BNC2: variants seen among roughly 807,000 people sequenced by gnomAD.
BNC2 encodes the protein basonuclin zinc finger protein 2.
In BNC2, 20 loss-of-function variants were observed where a neutral mutation model predicts 76.3. The observed-to-expected ratio is 0.26, with a 90% CI of 0.18 to 0.38. The LOEUF (loss-of-function observed/expected upper bound fraction) is 0.38, where lower values mean the gene tolerates loss of function less well. BNC2 is among the 10% of genes least tolerant of loss of function. The pLI is 1.00. For synonymous variants in BNC2, 582 were observed against 514.8 expected (o/e 1.13, Z -1.77); for missense variants, 1,382 against 1,399.8 (o/e 0.99, Z 0.20).
At chr9:16,689,422 A>G (rs1211676699) in intron 3 of BNC2, among the ~76,000 whole-genome samples, 2 of 152,066 alleles carry the variant, frequency 1.3e-5, no homozygotes, top group African/African-American at 4.8e-5. Flanking sequence ...TGAAATTTCC[A>G]TTTTACTTTT....
intron 5 of BNC2, among the ~76,000 whole-genome samples, chr9:16,454,927 G>A (rs1671874955): frequency 1.3e-5 from 2 of 152,114 alleles, no homozygotes; most frequent in African/African-American, 4.8e-5. Flanking sequence ...TTACAGAATT[G>A]TTTATAGTTT....
intron 3 of BNC2, among the ~76,000 whole-genome samples, chr9:16,695,701 G>A (rs559416996): frequency 6.6e-6 from 1 of 151,922 alleles, no homozygotes; most frequent in Admixed American, 6.6e-5. Flanking sequence ...ACGCATTCTC[G>A]TTAAGTGACG....
At chr9:16,805,780 GC>G (rs1241848613) in intron 1 of BNC2, among the ~76,000 whole-genome samples, 10 of 151,888 alleles carry the variant, frequency 6.6e-5, no homozygotes, top group Admixed American at 3.9e-4. Context: ...GTAGGGAGGG[GC>G]AAAAAAACCT....
rs79008694 is a variant in BNC2, at chr9:16,544,999, C to A, written c.669+7531G>T. ...CTGATGTTCAAGTATGTTCTCTCTG[C>A]TGGCTAACAGAGCTACCAAAAAGTG... On this transcript the variant is annotated intron_variant, in intron 5 of 6. Coordinates refer to ENST00000380672, the MANE Select transcript of BNC2 (RefSeq NM_017637.6). 2.5e-3 allele frequency among the ~76,000 whole-genome samples: 381 copies of A among 152,228 alleles called. 3 individuals carry two copies. Among genetic ancestry groups the A allele is most frequent in the African/African-American group, 8.5e-3 (355 of 41,538 alleles).
chr9:16,818,045 A>C (rs1818225269), intron 1 of BNC2, among the ~76,000 whole-genome samples: 1 of 152,130 alleles, frequency 6.6e-6, no homozygotes. Flanking sequence ...ATGGACCAAA[A>C]TTAATACAAT....
chr9:16,770,737 C>T (rs1825810903), intron 1 of BNC2, among the ~76,000 whole-genome samples: 1 of 151,940 alleles, frequency 6.6e-6, no homozygotes, highest in Non-Finnish European at 1.5e-5. Flanking sequence ...TGGTAGTGCA[C>T]GCCTGTAGAG....
chr9:16,800,237 G>C (rs1163635069), intron 1 of BNC2, among the ~76,000 whole-genome samples: 2 of 140,392 alleles, frequency 1.4e-5, no homozygotes, highest in Non-Finnish European at 3.2e-5. Context: ...AAAAAAAAAA[G>C]AAAAGAAACT....
chr9:16,484,098 G>C (rs1822112720), intron 5 of BNC2, among the ~76,000 whole-genome samples: 1 of 152,160 alleles, frequency 6.6e-6, no homozygotes, highest in Non-Finnish European at 1.5e-5. Context: ...TTGACGTGGT[G>C]TCATGTCCCC....
At chr9:16,731,807 A>G (rs2135040570) in intron 2 of BNC2, among the ~76,000 whole-genome samples, 1 of 152,306 alleles carries the variant, frequency 6.6e-6, no homozygotes, top group East Asian at 1.9e-4. Flanking sequence ...AATCTGTAAA[A>G]AAGTCAGACA....
chr9:16,870,405 C>T (rs995512407), intron 1 of BNC2, among the ~76,000 whole-genome samples: 1 of 152,096 alleles, frequency 6.6e-6, no homozygotes, highest in African/African-American at 2.4e-5. Context: ...GTGCACCCTC[C>T]CACCTAGAGC....
rs777340025 is a variant in BNC2 at position 16,727,803 on chromosome 9, G to A, written c.324C>T (p.Ser108=). The A allele has an allele frequency of 6.2e-7, 1 of 1,613,702 alleles. No individual in the cohort carries two copies. The highest frequency in any genetic ancestry group is 2.2e-5 in the East Asian group (1 of 44,870). ...AAGAAAGAAAGTAACTTACCTGTTG[G>A]GACATTCTGAATAAGAGGTTAGTAT... ...NADTNLLFRM[S]QQAIRCTLVN... The change falls in exon 3 of 7, where the codon TCC becomes TCT. Residue 108 remains serine (S), a synonymous_variant. Transcript: ENST00000380672.
At chr9:16,518,480 G>A (rs1817507179) in intron 5 of BNC2, among the ~76,000 whole-genome samples, 1 of 151,892 alleles carries the variant, frequency 6.6e-6, no homozygotes, top group African/African-American at 2.4e-5. Context: ...AGGTATAAAG[G>A]GCAAATGCCC....
At chr9:16,657,583 A>C (rs1420996318) in intron 3 of BNC2, among the ~76,000 whole-genome samples, 1 of 152,180 alleles carries the variant, frequency 6.6e-6, no homozygotes, top group Admixed American at 6.5e-5. Context: ...TGCCAGATGG[A>C]AACAGAGGTG....
In BNC2 at chr9:16,418,873, G is replaced by GCACATACA; in HGVS notation, c.*115_*116insTGTATGTG. On this transcript the variant is annotated 3_prime_UTR_variant, in exon 7 of 7. Coordinates refer to ENST00000380672, the MANE Select transcript of BNC2 (RefSeq NM_017637.6). ...ATGTAGCCACAGAGCATACATAAATGCACACACACACACACACACACACAC... is the reference window on the plus strand; with the variant it reads ...ATGTAGCCACAGAGCATACATAAATGCACATACACACACACACACACACACACACACAC... 1.1e-6 allele frequency: 1 copy of GCACATACA among 879,730 alleles called. No homozygotes were observed. Among genetic ancestry groups the GCACATACA allele is most frequent in the South Asian group, 1.5e-5 (1 of 67,048 alleles). The allele number at this position is 879,730 out of a possible 1,614,324, so 54.5% of individuals were successfully genotyped here. A position where few individuals can be genotyped will look rare whatever the true frequency, so the allele number is the denominator to read the frequency against.
chr9:16,603,296 A>T (rs7032239), intron 3 of BNC2, among the ~76,000 whole-genome samples: 146,235 of 152,332 alleles, frequency 0.96, 70,245 homozygotes, highest in East Asian at 1. Flanking sequence ...TTACTTCTAC[A>T]CAGTGTCAGG....
chr9:16,609,216 TACA>T (rs563712196), intron 3 of BNC2, among the ~76,000 whole-genome samples: 52 of 152,306 alleles, frequency 3.4e-4, no homozygotes, highest in Admixed American at 2.9e-3. Context: ...AAATCATTAC[TACA>T]ACAAGTATTT....
chr9:16,479,971 T>C (rs1249821516), intron 5 of BNC2, among the ~76,000 whole-genome samples: 2 of 152,210 alleles, frequency 1.3e-5, no homozygotes, highest in Non-Finnish European at 2.9e-5. Flanking sequence ...TCAGCTAAAG[T>C]TATTATCATA....
At chr9:16,765,489 C>A (rs1429336241) in intron 1 of BNC2, among the ~76,000 whole-genome samples, 1 of 152,030 alleles carries the variant, frequency 6.6e-6, no homozygotes, top group Non-Finnish European at 1.5e-5. Context: ...AAACTAGTGC[C>A]TTTTAAATAG....
intron 1 of BNC2, among the ~76,000 whole-genome samples, chr9:16,836,687 C>T (rs184284440): frequency 2.7e-4 from 41 of 152,058 alleles, no homozygotes; most frequent in Non-Finnish European, 3.1e-4. Flanking sequence ...CTGCTAATCA[C>T]GAATTTTAAA....
Sources: allele counts gnomAD v4.1 joint callset (sites outside exome capture counted in the v4.1 genomes callset), GRCh38; gene constraint gnomAD v4.1.1; transcripts MANE v1.5; gene names NCBI Gene and HGNC (gene_info 2026-07-23, HGNC 2026-07-21).